Variants in MAPKBP1 observed in about 807,000 individuals in gnomAD.
MAPKBP1 encodes the protein mitogen-activated protein kinase binding protein 1.
MAPKBP1 carries 71 observed loss-of-function variants against 170.5 expected under a neutral mutation model. The ratio of observed to expected loss-of-function variants is 0.42; its 90% CI spans 0.34 to 0.51. The LOEUF (loss-of-function observed/expected upper bound fraction) is 0.51, where lower values mean the gene tolerates loss of function less well. Among genes scored for constraint, MAPKBP1 ranks in the 20% least tolerant of loss-of-function variants. The pLI is 0.06. For synonymous variants in MAPKBP1, 719 were observed against 757.9 expected (o/e 0.95, Z 0.84); for missense variants, 1,598 against 1,933.0 (o/e 0.83, Z 3.25).
At chr15:41,819,001 G>A (rs1400444948) in intron 20 of MAPKBP1, 44 bp downstream of exon 20, 11 of 1,605,700 alleles carry the variant, frequency 6.9e-6, no homozygotes, top group Admixed American at 5.0e-5. Context: ...TGTGCAGATG[G>A]CTTGCTGGGA....
chr15:41,821,910 G>T, intron 24 of MAPKBP1, 55 bp from the exon 25 acceptor site: 4 of 1,586,680 alleles, frequency 2.5e-6, no homozygotes, highest in Non-Finnish European at 3.4e-6. Flanking sequence ...GTCCAGCGGG[G>T]CTGCTGCCTA....
rs199906537 is a variant in MAPKBP1, at chr15:41,823,498, G to C, written c.3650G>C (p.Arg1217Pro). The C allele has an allele frequency of 1.9e-6, 3 of 1,614,078 alleles. 1 individual carries two copies. Among genetic ancestry groups the C allele is most frequent in the Non-Finnish European group, 2.5e-6 (3 of 1,180,012 alleles). ...CCTTCACCAGGCGCACTGCTGTCTC[G>C]GGAGATCGAAGCTCAGGATGGTCTG... ...QAPSPGALLS[R>P]EIEAQDGLGS... Residue 1217 changes from arginine to proline, a missense_variant, in exon 29 of 31, where the codon CGG becomes CCG. This residue lies in a region of MAPKBP1 where 942 missense variants were observed against 953.2 expected (regional missense o/e 0.99). Transcript: ENST00000457542.
chr15:41,797,627 G>T (rs1471517442), intron 2 of MAPKBP1, among the ~76,000 whole-genome samples: 1 of 152,132 alleles, frequency 6.6e-6, no homozygotes, highest in African/African-American at 2.4e-5. Flanking sequence ...ATAAGTTAGG[G>T]GAACCTATCA....
In MAPKBP1 at chr15:41,817,668, C is replaced by T. The variant is rs1457884556; in HGVS notation, c.1837C>T (p.Leu613Phe). 6.2e-7 allele frequency: 1 copy of T among 1,614,220 alleles called. No homozygotes were observed. Among genetic ancestry groups the T allele is most frequent in the African/African-American group, 1.3e-5 (1 of 75,048 alleles). Residue 613 changes from leucine to phenylalanine, a missense_variant, in exon 16 of 31, where the codon CTC becomes TTC. Around this residue, in one of 6 missense-constraint regions of MAPKBP1, gnomAD observed 430 missense variants for 617.2 expected, o/e 0.70. Coordinates refer to ENST00000457542, the MANE Select transcript of MAPKBP1 (RefSeq NM_014994.3). This position sits in a 1 kb window ranked among gnomAD's most constrained non-coding sequence, Gnocchi z 4.2. Reference sequence around the variant, plus strand: ...ACACCACGTGGTGCGGAAGACGACCCTCTATGACATGGATGTGGAGCCCAG... The same window carrying T: ...ACACCACGTGGTGCGGAAGACGACCTTCTATGACATGGATGTGGAGCCCAG... ...RTHHVVRKTT[L>F]YDMDVEPSWK...
chr15:41,786,048 G>A (rs2064281353), intron 2 of MAPKBP1, among the ~76,000 whole-genome samples: 2 of 152,142 alleles, frequency 1.3e-5, no homozygotes, highest in Non-Finnish European at 2.9e-5. Flanking sequence ...CTGCCAGAAA[G>A]AATGAGGTTA....
intron 2 of MAPKBP1, among the ~76,000 whole-genome samples, chr15:41,797,584 T>G (rs890727165): frequency 1.3e-5 from 2 of 152,116 alleles, no homozygotes; most frequent in Non-Finnish European, 2.9e-5. Context: ...TAGATCCCAG[T>G]GGTTCATTAA....
chr15:41,819,013 C>T, intron 20 of MAPKBP1, 56 bp downstream of exon 20: 1 of 1,600,044 alleles, frequency 6.2e-7, no homozygotes, highest in Non-Finnish European at 8.5e-7. Context: ...TTGCTGGGAC[C>T]TCACTGCACT....
chr15:41,818,494 A>G lies in MAPKBP1; in HGVS notation c.2093-25A>G. On this transcript the variant is annotated intron_variant, in intron 18 of 30. Transcript: ENST00000457542. The surrounding 1 kb of genome is among the most constrained non-coding windows in gnomAD (Gnocchi z 5.2). Reference sequence around the variant, plus strand: ...TGGTTGGGAATTTAAGGTGGCTTATAGACCGTATTCTTTGTTCTTCACAGA... The same window carrying G: ...TGGTTGGGAATTTAAGGTGGCTTATGGACCGTATTCTTTGTTCTTCACAGA... 1 of 1,606,812 alleles carries G rather than the reference A, an allele frequency of 6.2e-7. No individual in the cohort carries two copies. The highest frequency in any genetic ancestry group is 8.5e-7 in the Non-Finnish European group (1 of 1,175,652).
intron 2 of MAPKBP1, among the ~76,000 whole-genome samples, chr15:41,789,797 T>A (rs1184822579): frequency 1.3e-5 from 2 of 152,232 alleles, no homozygotes; most frequent in Non-Finnish European, 2.9e-5. Flanking sequence ...AAATATAGCA[T>A]GAAAGGTCTC....
chr15:41,783,653 A>C (rs996700000), intron 2 of MAPKBP1, among the ~76,000 whole-genome samples: 3 of 152,218 alleles, frequency 2.0e-5, no homozygotes, highest in African/African-American at 7.2e-5. Flanking sequence ...AGGGAGCCCC[A>C]AGCCAGATGG....
intron 2 of MAPKBP1, among the ~76,000 whole-genome samples, chr15:41,776,936 G>A (rs1471030859): frequency 6.6e-6 from 1 of 152,220 alleles, no homozygotes; most frequent in Admixed American, 6.5e-5. Context: ...CTTATGGCTA[G>A]TCAGACATGT....
intron 3 of MAPKBP1, among the ~76,000 whole-genome samples, chr15:41,809,082 A>AG: frequency 6.6e-6 from 1 of 150,766 alleles, no homozygotes; most frequent in South Asian, 2.1e-4. Context: ...TCAAAAAAAA[A>AG]AAAAAAAATG....
At chr15:41,806,812 C>G (rs1009259427) in intron 3 of MAPKBP1, among the ~76,000 whole-genome samples, 1 of 152,116 alleles carries the variant, frequency 6.6e-6, no homozygotes, top group Non-Finnish European at 1.5e-5. Flanking sequence ...AACTGTGCCC[C>G]GCACTCCTCT....
chr15:41,781,680 T>C (rs1429533311), intron 2 of MAPKBP1, among the ~76,000 whole-genome samples: 2 of 152,188 alleles, frequency 1.3e-5, no homozygotes, highest in South Asian at 2.1e-4. Flanking sequence ...CTGTTTATAA[T>C]TGAGATTTTA....
intron 12 of MAPKBP1, 90 bp from the exon 13 acceptor site, chr15:41,816,469 A>G (rs1355881884): frequency 5.8e-6 from 5 of 868,772 alleles, no homozygotes; most frequent in Non-Finnish European, 9.4e-6. Context: ...AAAAAAAGGA[A>G]AAAGGAGGAG....
At chr15:41,819,555 G>GGGGGGGA (rs1555454090) in intron 21 of MAPKBP1, 40 bp from the exon 22 acceptor site, 1 of 1,478,514 alleles carries the variant, frequency 6.8e-7, no homozygotes. Context: ...GGCGGGGGGG[G>GGGGGGGA]GGCAGGAGAC....
chr15:41,787,662 G>A (rs756331666), intron 2 of MAPKBP1, among the ~76,000 whole-genome samples: 42 of 152,098 alleles, frequency 2.8e-4, no homozygotes, highest in Non-Finnish European at 5.9e-4. Context: ...CACCACGCCC[G>A]GCCGCGAACA....
At chr15:41,821,781 C>T (rs899320892) in intron 24 of MAPKBP1, 31 bp downstream of exon 24, 3 of 1,611,910 alleles carry the variant, frequency 1.9e-6, no homozygotes, top group African/African-American at 1.3e-5. Flanking sequence ...AGACCCCGTG[C>T]CCCCGTCTTC....
intron 10 of MAPKBP1, 139 bp downstream of exon 10, chr15:41,814,878 T>A: frequency 3.6e-6 from 4 of 1,104,106 alleles, no homozygotes; most frequent in Admixed American, 2.3e-5. Context: ...CTGGGATAGA[T>A]CCTGGGGACT....
Sources: gnomAD v4.1 joint callset for allele counts (sites outside exome capture counted in the v4.1 genomes callset) on GRCh38, gnomAD v4.1.1 for gene constraint, gnomAD v4.1.1 regional missense constraint, Gnocchi (gnomAD v3.1) non-coding constraint, MANE v1.5 for transcripts, NCBI Gene and HGNC (gene_info 2026-07-23, HGNC 2026-07-21) for gene names.